Variants in LGR5 observed in about 807,000 individuals in gnomAD.
LGR5 encodes leucine rich repeat containing G protein-coupled receptor 5, also known as leucine-rich repeat-containing G protein-coupled receptor 5.
Under a neutral mutation model 76.7 loss-of-function variants are expected in LGR5, and 54 were observed. The ratio of observed to expected loss-of-function variants is 0.70; its 90% CI spans 0.57 to 0.88. The LOEUF is 0.88. LGR5 is among the 40% of genes least tolerant of loss of function. The pLI is 0.00. For synonymous variants in LGR5, 406 were observed against 421.9 expected, an observed-to-expected ratio of 0.96 and a Z score of 0.46; for missense variants, 1,078 against 1,073.3, an observed-to-expected ratio of 1.00 and a Z score of -0.06.
At chr12:71,493,216 GC>G (rs1365118995) in intron 1 of LGR5, among the ~76,000 whole-genome samples, 10 of 151,184 alleles carry the variant, frequency 6.6e-5, no homozygotes, top group Non-Finnish European at 1.2e-4. Context: ...TATTTTTCTG[GC>G]ATCTTTTTTA....
chr12:71,566,581 A>T, intron 9 of LGR5, 51 bp from the exon 10 acceptor site: 1 of 1,547,598 alleles, frequency 6.5e-7, no homozygotes, highest in East Asian at 2.2e-5. Context: ...AATAAAAATT[A>T]CCCCTGTCTA....
intron 14 of LGR5, 28 bp downstream of exon 14, chr12:71,578,024 A>G (rs776808841): frequency 1.3e-6 from 2 of 1,510,312 alleles, no homozygotes; most frequent in Non-Finnish European, 1.8e-6. Flanking sequence ...TGTTTATGGT[A>G]TGTCTCTTAA....
At chr12:71,571,442 A>G (rs941399777) in intron 11 of LGR5, 72 bp from the exon 12 acceptor site, 1 of 1,135,528 alleles carries the variant, frequency 8.8e-7, no homozygotes, top group African/African-American at 1.5e-5. Flanking sequence ...TGGAGGGAAA[A>G]GGAGAGCAAA....
chr12:71,523,419 C>T (rs1026999540), intron 2 of LGR5, among the ~76,000 whole-genome samples: 16 of 151,612 alleles, frequency 1.1e-4, no homozygotes, highest in Non-Finnish European at 1.3e-4. Flanking sequence ...AGGAGGGTGA[C>T]GCAGGAGGAT....
chr12:71,504,528 T>G (rs920294343), intron 1 of LGR5, 86 bp from the exon 2 acceptor site: 1 of 992,250 alleles, frequency 1.0e-6, no homozygotes, highest in Non-Finnish European at 1.6e-6. Context: ...TTTTACTGTA[T>G]TGTTTGGAAA....
chr12:71,488,193 G>C (rs1278598098), intron 1 of LGR5, among the ~76,000 whole-genome samples: 1 of 152,196 alleles, frequency 6.6e-6, no homozygotes, highest in East Asian at 1.9e-4. Flanking sequence ...AACTAAGTAA[G>C]AGTACAAGTT....
intron 1 of LGR5, among the ~76,000 whole-genome samples, chr12:71,492,258 C>T (rs1874108621): frequency 6.6e-6 from 1 of 152,186 alleles, no homozygotes; most frequent in Admixed American, 6.5e-5. Flanking sequence ...TCTAGGGTTA[C>T]TTTTCCTTCT....
At chr12:71,448,458 T>C (rs1326971626) in intron 1 of LGR5, 2 of 152,214 alleles carry the variant, frequency 1.3e-5, no homozygotes, top group African/African-American at 4.8e-5. Flanking sequence ...GTGTTAGAAC[T>C]TCCAATGTGT....
chr12:71,516,943 A>G (rs1202907960), intron 2 of LGR5, among the ~76,000 whole-genome samples: 2 of 151,996 alleles, frequency 1.3e-5, no homozygotes, highest in East Asian at 1.9e-4. Context: ...ACATCTTGTT[A>G]CAGAAGTGAA....
At chr12:71,553,997 C>T (rs758481998) in intron 5 of LGR5, among the ~76,000 whole-genome samples, 11 of 151,834 alleles carry the variant, frequency 7.2e-5, no homozygotes, top group South Asian at 2.1e-4. Context: ...AGGCTGAGGC[C>T]GGAGGATCAA....
upstream of LGR5, among the ~76,000 whole-genome samples, chr12:71,439,462 A>G (rs1484199297): frequency 6.6e-6 from 1 of 152,014 alleles, no homozygotes; most frequent in East Asian, 1.9e-4. Flanking sequence ...GCGTCTGTTT[A>G]GGTCTCTCCG....
At chr12:71,549,787 C>T (rs1565745275) in intron 4 of LGR5, among the ~76,000 whole-genome samples, 1 of 152,260 alleles carries the variant, frequency 6.6e-6, no homozygotes, top group East Asian at 1.9e-4. Context: ...TCACTCAGGA[C>T]ATCTGAAGGT....
At chr12:71,559,811 A>G (rs989632559) in intron 7 of LGR5, among the ~76,000 whole-genome samples, 157 bp downstream of exon 7, 5 of 152,182 alleles carry the variant, frequency 3.3e-5, no homozygotes, top group African/African-American at 9.6e-5. Context: ...AATTGATTCT[A>G]TCTCTAGCAA....
At chr12:71,561,741 C>A in intron 7 of LGR5, 40 bp from the exon 8 acceptor site, 1 of 1,255,434 alleles carries the variant, frequency 8.0e-7, no homozygotes, top group Non-Finnish European at 1.1e-6. Flanking sequence ...AATAATTTTA[C>A]CCCACACAGG....
At chr12:71,508,948 CTTTGTTTTGT>C (rs1251389115) in intron 2 of LGR5, among the ~76,000 whole-genome samples, 1 of 151,910 alleles carries the variant, frequency 6.6e-6, no homozygotes, top group Admixed American at 6.6e-5. Flanking sequence ...TTTAGTTTTG[CTTTGTTTTGT>C]TTTGTTTTTG....
At chr12:71,507,724 ACT>A (rs1340698659) in intron 2 of LGR5, among the ~76,000 whole-genome samples, 1 of 150,516 alleles carries the variant, frequency 6.6e-6, no homozygotes, top group East Asian at 2.0e-4. Flanking sequence ...AGAAATGTTA[ACT>A]CTCTCTTTCT....
rs1435183382 is a variant in LGR5 at position 71,440,763 on chromosome 12, G to T, written c.212+471G>T. ...GAAACAACTTGCCCAGCTCCAAAGG[G>T]TTTTTAGTCTGCATCCCTTGCACTG... On this transcript the variant is annotated intron_variant, in intron 1 of 17. Transcript: ENST00000266674. The surrounding 1 kb of genome is among the most constrained non-coding windows in gnomAD (Gnocchi z 5.3). 2.6e-5 allele frequency among the ~76,000 whole-genome samples: 4 copies of T among 152,304 alleles called. No individual in the cohort carries two copies. The highest frequency in any genetic ancestry group is 3.4e-3 in the Middle Eastern group (1 of 294).
At chr12:71,537,910 C>T (rs1876683311) in intron 4 of LGR5, among the ~76,000 whole-genome samples, 1 of 152,148 alleles carries the variant, frequency 6.6e-6, no homozygotes, top group African/African-American at 2.4e-5. Flanking sequence ...TAGATCTTCA[C>T]TTAGCCTTTT....
At chr12:71,538,730 T>A (rs1349588060) in intron 4 of LGR5, among the ~76,000 whole-genome samples, 3 of 151,622 alleles carry the variant, frequency 2.0e-5, no homozygotes, top group Non-Finnish European at 4.4e-5. Context: ...GTCATGTGCA[T>A]GACTGTAGTC....
Sources: allele counts gnomAD v4.1 joint callset (sites outside exome capture counted in the v4.1 genomes callset), GRCh38; gene constraint gnomAD v4.1.1; non-coding constraint Gnocchi (gnomAD v3.1); transcripts MANE v1.5; gene names NCBI Gene and HGNC (gene_info 2026-07-23, HGNC 2026-07-21).